BRINP1: variants seen among roughly 807,000 people sequenced by gnomAD.
BRINP1 encodes the protein BMP/retinoic acid-inducible neural-specific protein 1.
BRINP1 carries 17 observed loss-of-function variants against 72.9 expected under a neutral mutation model. The ratio of observed to expected loss-of-function variants is 0.23; its 90% CI spans 0.16 to 0.35. The LOEUF is 0.35. Ranked by LOEUF, BRINP1 falls within the 10% of genes least tolerant of loss-of-function variation. The pLI is 1.00. For synonymous variants in BRINP1, 418 were observed against 378.5 expected (o/e 1.10, Z -1.21); for missense variants, 850 against 1,001.6 (o/e 0.85, Z 2.04).
At chr9:119,177,112 ATGTT>A (rs1460453141) in intron 7 of BRINP1, among the ~76,000 whole-genome samples, 1 of 152,186 alleles carries the variant, frequency 6.6e-6, no homozygotes, top group Non-Finnish European at 1.5e-5. Flanking sequence ...GAGTGAATCA[ATGTT>A]TGATGAATGA....
chr9:119,218,877 G>A (rs1178009650), intron 5 of BRINP1, among the ~76,000 whole-genome samples: 2 of 151,564 alleles, frequency 1.3e-5, no homozygotes, highest in African/African-American at 4.9e-5. Context: ...CCTGTCCCCT[G>A]CATACATACA....
intron 2 of BRINP1, among the ~76,000 whole-genome samples, chr9:119,268,281 TAG>T (rs1438675097): frequency 1.4e-5 from 2 of 146,462 alleles, no homozygotes; most frequent in Non-Finnish European, 3.1e-5. Context: ...GATAGATAGA[TAG>T]ATAGATAGAT....
At chr9:119,295,664 A>AATAT (rs1554753896) in intron 2 of BRINP1, among the ~76,000 whole-genome samples, 1 of 151,924 alleles carries the variant, frequency 6.6e-6, no homozygotes, top group Non-Finnish European at 1.5e-5. Context: ...TATTCAAAAC[A>AATAT]GTATGGTACT....
At chr9:119,298,493 T>C (rs2118979844) in intron 2 of BRINP1, among the ~76,000 whole-genome samples, 1 of 152,268 alleles carries the variant, frequency 6.6e-6, no homozygotes, top group African/African-American at 2.4e-5. Context: ...CCTTCTTCCT[T>C]GTGTTCAATA....
intron 7 of BRINP1, among the ~76,000 whole-genome samples, chr9:119,181,847 G>A (rs1254541757): frequency 6.6e-6 from 1 of 152,174 alleles, no homozygotes; most frequent in Non-Finnish European, 1.5e-5. Flanking sequence ...TTAACCTTGA[G>A]TTAATTGCTT....
intron 1 of BRINP1, among the ~76,000 whole-genome samples, chr9:119,349,618 A>G (rs549714713): frequency 6.6e-6 from 1 of 152,206 alleles, no homozygotes; most frequent in Non-Finnish European, 1.5e-5. Context: ...TTTTTTAATT[A>G]AAAGTGAAGG....
At chr9:119,170,681 AGATTC>A (rs1298903944) in intron 7 of BRINP1, among the ~76,000 whole-genome samples, 100 of 132,480 alleles carry the variant, frequency 7.5e-4, no homozygotes, top group African/African-American at 3.1e-3. Context: ...CATAATTGTC[AGATTC>A]ACCAAAGTTG....
At chr9:119,287,624 C>T (rs1830776092) in intron 2 of BRINP1, among the ~76,000 whole-genome samples, 1 of 152,140 alleles carries the variant, frequency 6.6e-6, no homozygotes, top group African/African-American at 2.4e-5. Context: ...CTTTCAGGTT[C>T]ATGGAAGTAA....
At chr9:119,238,817 C>T (rs967212422) in intron 4 of BRINP1, 57 bp from the exon 5 acceptor site, 2 of 1,170,198 alleles carry the variant, frequency 1.7e-6, no homozygotes, top group Admixed American at 4.2e-5. Flanking sequence ...CTAGGACATA[C>T]CCCAAAGAGT....
chr9:119,232,169 T>G (rs572696535), intron 5 of BRINP1, among the ~76,000 whole-genome samples: 280 of 152,266 alleles, frequency 1.8e-3, no homozygotes, highest in African/African-American at 6.6e-3. Flanking sequence ...GACTTCTCTC[T>G]CTCACAAATA....
At chr9:119,347,172 CT>C (rs2119029291) in intron 1 of BRINP1, among the ~76,000 whole-genome samples, 1 of 152,242 alleles carries the variant, frequency 6.6e-6, no homozygotes, top group African/African-American at 2.4e-5. Context: ...TTTTTTTACC[CT>C]CAAGAATAAT....
At chr9:119,196,779 G>A (rs1157738462) in intron 7 of BRINP1, among the ~76,000 whole-genome samples, 1 of 152,190 alleles carries the variant, frequency 6.6e-6, no homozygotes, top group East Asian at 1.9e-4. Flanking sequence ...CAGTCCTCTG[G>A]TTCCAAAGCC....
At chr9:119,283,099 A>G (rs1830729321) in intron 2 of BRINP1, 2 of 985,088 alleles carry the variant, frequency 2.0e-6, no homozygotes, top group Admixed American at 6.1e-5. Flanking sequence ...AGCAGTTCAC[A>G]GAGCTTGGAG....
chr9:119,297,259 A>T (rs1403822365), intron 2 of BRINP1, among the ~76,000 whole-genome samples: 1 of 152,204 alleles, frequency 6.6e-6, no homozygotes, highest in Non-Finnish European at 1.5e-5. Flanking sequence ...ATTGAGGCTC[A>T]GGGTTATAAT....
chr9:119,313,507 A>C (rs1587957375), intron 1 of BRINP1, 102 bp from the exon 2 acceptor site: 2 of 1,067,956 alleles, frequency 1.9e-6, no homozygotes, highest in Non-Finnish European at 2.6e-6. Flanking sequence ...GAAAAGAAAA[A>C]ATGTGATTAA....
chr9:119,217,500 A>G (rs1829990287), intron 5 of BRINP1, among the ~76,000 whole-genome samples: 1 of 152,196 alleles, frequency 6.6e-6, no homozygotes, highest in Non-Finnish European at 1.5e-5. Flanking sequence ...CACTGAACAT[A>G]TGGAATATTT....
At chr9:119,257,197 C>T (rs1830454599) in intron 2 of BRINP1, among the ~76,000 whole-genome samples, 1 of 152,114 alleles carries the variant, frequency 6.6e-6, no homozygotes, top group African/African-American at 2.4e-5. Context: ...AAATAGATTC[C>T]CTCAATGCTA....
intron 2 of BRINP1, among the ~76,000 whole-genome samples, chr9:119,264,494 C>T (rs571393739): frequency 1.5e-4 from 23 of 152,212 alleles, no homozygotes; most frequent in Non-Finnish European, 3.1e-4. Flanking sequence ...GAAACTCTCT[C>T]GATTTATATT....
intron 2 of BRINP1, among the ~76,000 whole-genome samples, chr9:119,301,543 C>G (rs1830939053): frequency 6.6e-6 from 1 of 152,162 alleles, no homozygotes; most frequent in African/African-American, 2.4e-5. Context: ...AGAGGTTTGA[C>G]TGTAAAGGGC....
Sources: allele counts gnomAD v4.1 joint callset (sites outside exome capture counted in the v4.1 genomes callset), GRCh38; gene constraint gnomAD v4.1.1; transcripts MANE v1.5; gene names NCBI Gene and HGNC (gene_info 2026-07-23, HGNC 2026-07-21).